RPS6KA5: variants seen among roughly 807,000 people sequenced by gnomAD.
The protein encoded by RPS6KA5 is ribosomal protein S6 kinase A5, also known as ribosomal protein S6 kinase alpha-5.
A neutral mutation model predicts 85.5 loss-of-function variants in RPS6KA5; 27 were observed. That is an observed-to-expected ratio of 0.32 (90% CI 0.23 to 0.44). The LOEUF is 0.44. Ranked by LOEUF, RPS6KA5 falls within the 20% of genes least tolerant of loss-of-function variation. The pLI is 1.00. For missense variants in RPS6KA5, 811 were observed against 980.9 expected, an observed-to-expected ratio of 0.83 and a Z score of 2.31; for synonymous variants, 334 against 348.2, an observed-to-expected ratio of 0.96 and a Z score of 0.46.
At chr14:90,908,456 T>C (rs2035631233) in intron 7 of RPS6KA5, among the ~76,000 whole-genome samples, 1 of 151,846 alleles carries the variant, frequency 6.6e-6, no homozygotes, top group Admixed American at 6.6e-5. Flanking sequence ...TGATGAGGAG[T>C]ATCTTGCCCC....
At position 90,863,336 on chromosome 14, in the gene RPS6KA5, G is replaced by GAAAAT. The variant is rs2032662319; in HGVS notation, c.*8737_*8738insATTTT. 9.9e-6 allele frequency: 1 copy of GAAAAT among 100,948 alleles called. No homozygotes were observed. Among genetic ancestry groups the GAAAAT allele is most frequent in the African/African-American group, 3.6e-5 (1 of 28,022 alleles). The allele number at this position is 100,948 out of a possible 1,614,324, so 6.3% of individuals were successfully genotyped here. Reference sequence around the variant, plus strand: ...AAAAAAAAAAAAAAAAAAAAGAAAAGAAAAGAAAAAAATATATATATATAG... The same window carrying GAAAAT: ...AAAAAAAAAAAAAAAAAAAAGAAAAGAAAATAAAAGAAAAAAATATATATATATAG... On this transcript the variant is annotated 3_prime_UTR_variant, in exon 17 of 17. Transcript: ENST00000614987.
At position 90,923,752 on chromosome 14, in the gene RPS6KA5, C is replaced by T. The variant is rs550301163; in HGVS notation, c.619-556G>A. 2.1e-4 allele frequency among the ~76,000 whole-genome samples: 32 copies of T among 151,586 alleles called. 1 individual carries two copies. The Middle Eastern group carries it at 0.014, about 64-fold the overall frequency. On this transcript the variant is annotated intron_variant, in intron 5 of 16. Coordinates refer to ENST00000614987, the MANE Select transcript of RPS6KA5 (RefSeq NM_004755.4). ...TTACCATCTTGTGTAGGTTTGACAA[C>T]GCTAATGTTATGTTTAACGATGGTA... is the stretch of plus-strand genomic sequence containing the variant.
intron 3 of RPS6KA5, among the ~76,000 whole-genome samples, chr14:90,960,363 C>T (rs1439700838): frequency 6.6e-6 from 1 of 152,100 alleles, no homozygotes; most frequent in Non-Finnish European, 1.5e-5. Flanking sequence ...TCAGGGATAT[C>T]GTTAAATTTG....
intron 12 of RPS6KA5, 152 bp from the exon 13 acceptor site, chr14:90,894,735 C>T (rs187714696): frequency 2.0e-6 from 2 of 998,666 alleles, no homozygotes; most frequent in East Asian, 5.4e-5. Context: ...GAGAAAAGGG[C>T]TGAAAGATAA....
intron 5 of RPS6KA5, among the ~76,000 whole-genome samples, chr14:90,931,997 AG>A (rs1429354876): frequency 2.0e-5 from 3 of 152,252 alleles, no homozygotes; most frequent in African/African-American, 7.2e-5. Flanking sequence ...ACATGAAGTA[AG>A]GGTACTAAAA....
rs557791115 is a variant in RPS6KA5, at chr14:90,859,065, G to A, written c.*13009C>T. The A allele has an allele frequency of 2.0e-5, 3 of 152,280 alleles. No homozygotes were observed. Among genetic ancestry groups the A allele is most frequent in the African/African-American group, 7.2e-5 (3 of 41,542 alleles). 9.4% of individuals were successfully genotyped at this position (152,280 alleles called of 1,614,324 possible). On this transcript the variant is annotated 3_prime_UTR_variant, in exon 17 of 17. Coordinates refer to ENST00000614987, the MANE Select transcript of RPS6KA5 (RefSeq NM_004755.4). ...AGCTCTTAGTACTGAGGAGGGAAAG[G>A]TTGGAATTCAAGGTCACCGAGGTGA... is the stretch of plus-strand genomic sequence containing the variant.
chr14:91,033,778 T>C (rs1480250231), intron 1 of RPS6KA5, among the ~76,000 whole-genome samples: 1 of 152,166 alleles, frequency 6.6e-6, no homozygotes, highest in Non-Finnish European at 1.5e-5. Context: ...TGTAGGCATG[T>C]ATCTGAGAGA....
intron 1 of RPS6KA5, among the ~76,000 whole-genome samples, chr14:91,057,729 C>G (rs1159175988): frequency 6.6e-6 from 1 of 152,228 alleles, no homozygotes; most frequent in Non-Finnish European, 1.5e-5. Context: ...AGATAAGATA[C>G]TATTATGGAA....
At chr14:91,006,296 C>T (rs2041016337) in intron 1 of RPS6KA5, among the ~76,000 whole-genome samples, 1 of 152,198 alleles carries the variant, frequency 6.6e-6, no homozygotes, top group Non-Finnish European at 1.5e-5. Context: ...CTTCAACATA[C>T]ATAGTAGTTA....
chr14:90,887,845 CCAGCTACTCA>C, intron 14 of RPS6KA5, among the ~76,000 whole-genome samples: 1 of 149,280 alleles, frequency 6.7e-6, no homozygotes, highest in African/African-American at 2.5e-5. Flanking sequence ...GCCTGTGGTC[CCAGCTACTCA>C]GGAGGCTGAG....
At chr14:91,019,799 C>G (rs910554203) in intron 1 of RPS6KA5, among the ~76,000 whole-genome samples, 2 of 152,186 alleles carry the variant, frequency 1.3e-5, no homozygotes. Flanking sequence ...CGGAACATAA[C>G]CTCATTGTAA....
chr14:90,971,055 T>A (rs2039296417), intron 3 of RPS6KA5, among the ~76,000 whole-genome samples: 1 of 152,134 alleles, frequency 6.6e-6, no homozygotes, highest in African/African-American at 2.4e-5. Context: ...CGGTGGCTCA[T>A]GCCTGGAATC....
chr14:90,900,933 T>C (rs750402453), intron 9 of RPS6KA5, among the ~76,000 whole-genome samples, 197 bp from the exon 10 acceptor site: 10 of 152,172 alleles, frequency 6.6e-5, no homozygotes, highest in Admixed American at 1.3e-4. Context: ...AAGGATATAA[T>C]GCCATCTTCT....
chr14:90,926,421 A>G (rs1368319926), intron 5 of RPS6KA5, among the ~76,000 whole-genome samples: 2 of 151,988 alleles, frequency 1.3e-5, no homozygotes, highest in Non-Finnish European at 2.9e-5. Flanking sequence ...AAGACTTAGT[A>G]AAATTTACTA....
At chr14:90,993,055 T>C (rs1228132075) in intron 2 of RPS6KA5, among the ~76,000 whole-genome samples, 1 of 152,190 alleles carries the variant, frequency 6.6e-6, no homozygotes, top group Non-Finnish European at 1.5e-5. Context: ...CTCGGAAAAT[T>C]CTCCAGGGAT....
rs2032735091 is a variant in RPS6KA5 at position 90,864,929 on chromosome 14, A to G, written c.*7145T>C. 6.6e-6 allele frequency: 1 copy of G among 152,226 alleles called. No individual in the cohort carries two copies. Among genetic ancestry groups the G allele is most frequent in the Admixed American group, 6.5e-5 (1 of 15,282 alleles). The allele number at this position is 152,226 out of a possible 1,614,324, so 9.4% of individuals were successfully genotyped here. A position where few individuals can be genotyped will look rare whatever the true frequency, so the allele number is the denominator to read the frequency against. On this transcript the variant is annotated 3_prime_UTR_variant, in exon 17 of 17. Coordinates refer to ENST00000614987, the MANE Select transcript of RPS6KA5 (RefSeq NM_004755.4). The stretch of plus-strand genomic sequence containing the variant: ...GTACCAAGCACTGATGAGGATGTGG[A>G]AGAACTAGAACACTTACACATTATT...
At chr14:90,949,344 T>C (rs1206756229) in intron 3 of RPS6KA5, among the ~76,000 whole-genome samples, 1 of 152,252 alleles carries the variant, frequency 6.6e-6, no homozygotes, top group Non-Finnish European at 1.5e-5. Context: ...TCTTCTATGT[T>C]AGCACTGTTC....
intron 14 of RPS6KA5, among the ~76,000 whole-genome samples, chr14:90,884,234 G>A (rs909613280): frequency 1.4e-4 from 21 of 152,188 alleles, no homozygotes; most frequent in African/African-American, 5.1e-4. Flanking sequence ...AGGAATACGT[G>A]CATGGCTGTC....
rs1013492633 is a variant in RPS6KA5 at position 90,848,017 on chromosome 14, A to G, written c.*24057T>C. ...CAAATTCCCGAAACATGAAAACATC[A>G]CATTTCTACAATACATCTGCTTTTT... On this transcript the variant is annotated 3_prime_UTR_variant, in exon 17 of 17. Coordinates refer to ENST00000614987, the MANE Select transcript of RPS6KA5 (RefSeq NM_004755.4). The G allele has an allele frequency of 6.6e-6, 1 of 152,224 alleles. No homozygotes were observed. Among genetic ancestry groups the G allele is most frequent in the African/African-American group, 2.4e-5 (1 of 41,448 alleles). The allele number at this position is 152,224 out of a possible 1,614,324, so 9.4% of individuals were successfully genotyped here.
Sources: gnomAD v4.1 joint callset for allele counts (sites outside exome capture counted in the v4.1 genomes callset) on GRCh38, gnomAD v4.1.1 for gene constraint, MANE v1.5 for transcripts, NCBI Gene and HGNC (gene_info 2026-07-23, HGNC 2026-07-21) for gene names.